The following MS4A14 variants were observed in gnomAD, a reference collection of about 807,000 sequenced individuals.
The protein encoded by MS4A14 is membrane spanning 4-domains A14.
A neutral mutation model predicts 16.7 loss-of-function variants in MS4A14; 18 were observed. The ratio of observed to expected loss-of-function variants is 1.08; its 90% confidence interval spans 0.75 to 1.60. The LOEUF (loss-of-function observed/expected upper bound fraction) is 1.60, where lower values mean the gene tolerates loss of function less well. Among genes scored for constraint, MS4A14 ranks in the 40% most tolerant of loss-of-function variants. The pLI, the probability that MS4A14 is intolerant of heterozygous loss-of-function variation, is 0.00. For missense variants in MS4A14, 812 were observed against 775.3 expected, an observed-to-expected ratio of 1.05 and a Z score of -0.56; for synonymous variants, 305 against 289.4, an observed-to-expected ratio of 1.05 and a Z score of -0.55.
intron 4 of MS4A14, among the ~76,000 whole-genome samples, chr11:60,412,116 CA>C (rs1295613063): frequency 6.6e-6 from 1 of 151,990 alleles, no homozygotes; most frequent in Non-Finnish European, 1.5e-5. Flanking sequence ...TTCACTTCAT[CA>C]TATGAATAAT....
Position 60,416,984 on chromosome 11 carries a change from G to A in MS4A14, c.2016G>A (p.Leu672=), listed in dbSNP as rs1427251710. ...QAGQPRTVNL[L]AKNPLTG ...GACAACCCAGGACTGTCAATCTTTT[G>A]GCCAAGAATCCCCTGACTGGATAAC... Residue 672 remains leucine, a synonymous_variant, in exon 5 of 5, where the codon TTG becomes TTA. Coordinates refer to ENST00000300187, the MANE Select transcript of MS4A14 (RefSeq NM_032597.5). The A allele has an allele frequency of 6.2e-7, 1 of 1,612,446 alleles. No homozygotes were observed. The highest frequency in any genetic ancestry group is 1.3e-5 in the African/African-American group (1 of 74,822).
intron 4 of MS4A14, among the ~76,000 whole-genome samples, chr11:60,403,798 G>C (rs370487981): frequency 6.6e-6 from 1 of 152,072 alleles, no homozygotes; most frequent in Admixed American, 6.6e-5. Context: ...TTGAAGCATG[G>C]GTTCTATAAT....
At chr11:60,414,603 A>G (rs2085912095) in intron 4 of MS4A14, among the ~76,000 whole-genome samples, 1 of 152,162 alleles carries the variant, frequency 6.6e-6, no homozygotes, top group African/African-American at 2.4e-5. Flanking sequence ...GAAGCATTGC[A>G]GGTTGTATCA....
At chr11:60,405,753 G>A (rs1287776638) in intron 4 of MS4A14, 7 of 581,904 alleles carry the variant, frequency 1.2e-5, no homozygotes, top group African/African-American at 1.9e-5. Flanking sequence ...AAATTGTGCA[G>A]TGTCTGATGG....
Position 60,416,770 on chromosome 11 carries a change from C to G in MS4A14, c.1802C>G (p.Thr601Ser), listed in dbSNP as rs778119281. Residue 601 changes from threonine (T) to serine (S), a missense_variant, in exon 5 of 5, where the codon ACC becomes AGC. Transcript: ENST00000300187. ...TDKEQNSKKQTQDQQTEDQPA... is the reference protein window; with the variant it reads ...TDKEQNSKKQSQDQQTEDQPA... ...AAGGAGCAAAACTCAAAGAAGCAAA[C>G]CCAGGATCAGCAAACTGAAGACCAG... 7 of 1,613,426 alleles carry G rather than the reference C, an allele frequency of 4.3e-6. No homozygotes were observed. In the African/African-American group the frequency reaches 9.4e-5, roughly 22 times the overall value.
At position 60,407,220 on chromosome 11, in the gene MS4A14, C is replaced by A. The variant is rs1263814832; in HGVS notation, c.468+4159C>A. ...TTTTTTTGTAGAAATAGGGTTTTGC[C>A]ACGTTGCCCAGGCTGCTCTCAAACT... On this transcript the variant is annotated intron_variant, in intron 4 of 4. Coordinates refer to ENST00000300187, the MANE Select transcript of MS4A14 (RefSeq NM_032597.5). Among the ~76,000 whole-genome samples the A allele has an allele frequency of 2.0e-5, 3 of 151,898 alleles. No individual in the cohort carries two copies. The East Asian group carries it at 5.8e-4, about 29-fold the overall frequency.
At chr11:60,400,070 G>A (rs1335460588) in intron 2 of MS4A14, among the ~76,000 whole-genome samples, 3 of 152,140 alleles carry the variant, frequency 2.0e-5, no homozygotes, top group African/African-American at 7.2e-5. Flanking sequence ...GCTCAGAACA[G>A]GCACAGCTCC....
chr11:60,417,057 A>T lies in MS4A14; in HGVS notation c.*49A>T. 1 of 1,561,302 alleles carries T rather than the reference A, an allele frequency of 6.4e-7. No homozygotes were observed. Among genetic ancestry groups the T allele is most frequent in the Non-Finnish European group, 8.6e-7 (1 of 1,157,954 alleles). On this transcript the variant is annotated 3_prime_UTR_variant, in exon 5 of 5. Coordinates refer to ENST00000300187, the MANE Select transcript of MS4A14 (RefSeq NM_032597.5). ...TATAAAGCACGAGAATGGCAATTTG[A>T]AATGAAGCACTGGCAAACACAGGAT...
intron 3 of MS4A14, among the ~76,000 whole-genome samples, chr11:60,402,638 G>A (rs1260061397): frequency 1.3e-5 from 2 of 152,186 alleles, no homozygotes; most frequent in Admixed American, 1.3e-4. Context: ...GATTATGAAA[G>A]ATGGTGGTGA....
chr11:60,415,823 A>G lies in MS4A14; in HGVS notation c.855A>G (p.Gln285=), dbSNP rs773023837. 8 of 1,613,944 alleles carry G rather than the reference A, an allele frequency of 5.0e-6. No individual in the cohort carries two copies. Among genetic ancestry groups the G allele is most frequent in the East Asian group, 2.2e-5 (1 of 44,884 alleles). Reference sequence around the variant, plus strand: ...AAGATCTACAATCTGCTATTGTACAACCTTCTCAAATGCAAACCAAGCTTC... The same window carrying G: ...AAGATCTACAATCTGCTATTGTACAGCCTTCTCAAATGCAAACCAAGCTTC... The part of the protein sequence containing the change: ...KDEDLQSAIV[Q]PSQMQTKLLQ... Residue 285 remains glutamine (Q), a synonymous_variant, in exon 5 of 5, where the codon CAA becomes CAG. Coordinates refer to ENST00000300187, the MANE Select transcript of MS4A14 (RefSeq NM_032597.5).
intron 4 of MS4A14, among the ~76,000 whole-genome samples, chr11:60,411,164 T>G (rs746411361): frequency 3.9e-5 from 6 of 152,200 alleles, no homozygotes; most frequent in Non-Finnish European, 8.8e-5. Context: ...TTTTAATTAG[T>G]GTAGCTTTAC....
At chr11:60,396,934 G>T (rs2085633565) in intron 1 of MS4A14, among the ~76,000 whole-genome samples, 1 of 152,172 alleles carries the variant, frequency 6.6e-6, no homozygotes, top group Non-Finnish European at 1.5e-5. Flanking sequence ...CATTGAGGAA[G>T]TGACTTCAGG....
chr11:60,400,681 C>T (rs560618470), intron 3 of MS4A14, among the ~76,000 whole-genome samples: 64 of 152,222 alleles, frequency 4.2e-4, no homozygotes, highest in African/African-American at 1.4e-3. Flanking sequence ...TATTGGAAAC[C>T]ATTCTGCATC....
At chr11:60,410,938 CG>C (rs1286329143) in intron 4 of MS4A14, among the ~76,000 whole-genome samples, 1 of 152,006 alleles carries the variant, frequency 6.6e-6, no homozygotes, top group Non-Finnish European at 1.5e-5. Context: ...CTCTGCCTCC[CG>C]GGTTCAAGCA....
chr11:60,416,075 T>C lies in MS4A14; in HGVS notation c.1107T>C (p.Asp369=), dbSNP rs144883718. Reference sequence around the variant, plus strand: ...TATCCCAAGACACATCATCTCAAGATATGCTGTTTCATGACATGACATCCC... The same window carrying C: ...TATCCCAAGACACATCATCTCAAGACATGCTGTTTCATGACATGACATCCC... The part of the protein sequence containing the change: ...GILSQDTSSQ[D]MLFHDMTSQD... The change falls in exon 5 of 5, where the codon GAT becomes GAC. Residue 369 remains aspartate (D), a synonymous_variant. Coordinates refer to ENST00000300187, the MANE Select transcript of MS4A14 (RefSeq NM_032597.5). 2.8e-5 allele frequency: 45 copies of C among 1,611,910 alleles called. No individual in the cohort carries two copies. In the African/African-American group the frequency reaches 5.3e-4, roughly 19 times the overall value.
chr11:60,407,626 G>A (rs1300556531), intron 4 of MS4A14, among the ~76,000 whole-genome samples: 2 of 152,112 alleles, frequency 1.3e-5, no homozygotes, highest in Non-Finnish European at 2.9e-5. Context: ...ATTTTAGTGG[G>A]TATGTAGTGG....
In MS4A14 at chr11:60,416,035, C is replaced by G. The variant is rs978469443; in HGVS notation, c.1067C>G (p.Pro356Arg). The change falls in exon 5 of 5, where the codon CCC becomes CGC. Residue 356 changes from proline to arginine, a missense_variant. Physicochemically the swap from Pro to Arg is moderately radical, Grantham distance 103 (BLOSUM62 -2). Transcript: ENST00000300187. Reference protein sequence around the residue: ...QSSNLTANDLPPQGILSQDTS... With the variant: ...QSSNLTANDLRPQGILSQDTS... ...TCTAATCTGACAGCTAATGACCTGCCCCCTCAAGGCATACTATCCCAAGAC... is the reference window on the plus strand; with the variant it reads ...TCTAATCTGACAGCTAATGACCTGCGCCCTCAAGGCATACTATCCCAAGAC... 2 of 1,613,638 alleles carry G rather than the reference C, an allele frequency of 1.2e-6. No homozygotes were observed. The highest frequency in any genetic ancestry group is 2.7e-5 in the African/African-American group (2 of 74,968).
chr11:60,407,958 C>G (rs1375801865), intron 4 of MS4A14, among the ~76,000 whole-genome samples: 2 of 151,936 alleles, frequency 1.3e-5, no homozygotes, highest in African/African-American at 4.8e-5. Flanking sequence ...ACAGGTTTTC[C>G]CTACCCCCAA....
At position 60,416,201 on chromosome 11, in the gene MS4A14, A is replaced by C; in HGVS notation, c.1233A>C (p.Ser411=). The stretch of plus-strand genomic sequence containing the variant: ...AAGATATGCTATCCCAAGCTCTATC[A>C]GCGCATGCCATATTACCTGAAGCCT... The part of the protein sequence containing the change: ...PSQDMLSQAL[S]AHAILPEAST... The change falls in exon 5 of 5, where the codon TCA becomes TCC. Residue 411 remains serine (S), a synonymous_variant. Transcript: ENST00000300187. The C allele has an allele frequency of 6.2e-7, 1 of 1,613,892 alleles. No homozygotes were observed.
Sources: allele counts gnomAD v4.1 joint callset (sites outside exome capture counted in the v4.1 genomes callset), GRCh38; gene constraint gnomAD v4.1.1; transcripts MANE v1.5; gene names NCBI Gene and HGNC (gene_info 2026-07-23, HGNC 2026-07-21).